The following ACTR3C variants were observed in gnomAD, a reference collection of about 807,000 sequenced individuals.
ACTR3C encodes actin related protein 3C.
ACTR3C carries 18 observed loss-of-function variants against 26.3 expected under a neutral mutation model. That is an observed-to-expected ratio of 0.68 (90% CI 0.47 to 1.01). The LOEUF (loss-of-function observed/expected upper bound fraction) is 1.01, where lower values mean the gene tolerates loss of function less well. Among genes scored for constraint, ACTR3C ranks in the 50% least tolerant of loss-of-function variants. The probability of loss-of-function intolerance (pLI) is 0.00; values close to 1 mark genes in which losing one functional copy is unlikely to be tolerated. For synonymous variants in ACTR3C, 55 were observed against 94.5 expected (o/e 0.58, Z 2.42); for missense variants, 184 against 250.7 (o/e 0.73, Z 1.80).
the ACTR3C span, among the ~76,000 whole-genome samples, chr7:150,187,444 A>G: frequency 1.3e-5 from 2 of 151,140 alleles, no homozygotes; most frequent in South Asian, 4.2e-4. Flanking sequence ...AAGCCAAGAA[A>G]TTAATGTTGC....
the ACTR3C span, among the ~76,000 whole-genome samples, chr7:150,076,836 G>A: frequency 1.8e-4 from 28 of 152,178 alleles, no homozygotes; most frequent in Middle Eastern, 3.4e-3. Context: ...TTTTGGAGGC[G>A]TGTAGGTCTT....
chr7:150,221,888 C>G, the ACTR3C span, among the ~76,000 whole-genome samples: 1 of 151,146 alleles, frequency 6.6e-6, no homozygotes, highest in African/African-American at 2.4e-5. Context: ...GTCCTAGCTA[C>G]TCGGGAGGCT....
chr7:150,279,382 C>A (rs1490411348), intron 6 of ACTR3C, among the ~76,000 whole-genome samples: 2 of 152,196 alleles, frequency 1.3e-5, no homozygotes, highest in African/African-American at 4.8e-5. Flanking sequence ...AAAATGCATT[C>A]ACATAATTAT....
At chr7:150,204,177 G>A in the ACTR3C span, among the ~76,000 whole-genome samples, 32 of 147,470 alleles carry the variant, frequency 2.2e-4, no homozygotes, top group African/African-American at 8.1e-4. Context: ...AGCCTGAAAC[G>A]GGTGCTTTGG....
the ACTR3C span, among the ~76,000 whole-genome samples, chr7:149,974,629 A>G: frequency 6.6e-6 from 1 of 152,198 alleles, no homozygotes; most frequent in African/African-American, 2.4e-5. Context: ...TGTGATGGGA[A>G]CAATCATTCC....
the ACTR3C span, among the ~76,000 whole-genome samples, chr7:150,129,281 A>C: frequency 6.6e-6 from 1 of 152,098 alleles, no homozygotes; most frequent in Non-Finnish European, 1.5e-5. Flanking sequence ...AACAAGTAAC[A>C]TACTGAATGG....
chr7:150,042,942 C>G, the ACTR3C span, among the ~76,000 whole-genome samples: 1 of 148,658 alleles, frequency 6.7e-6, no homozygotes, highest in East Asian at 2.0e-4. Flanking sequence ...ATGAAAGACT[C>G]GCTGTTGTCG....
chr7:150,034,499 A>T, the ACTR3C span, among the ~76,000 whole-genome samples: 2 of 151,452 alleles, frequency 1.3e-5, no homozygotes, highest in Non-Finnish European at 3.0e-5. Flanking sequence ...GACCTCATAC[A>T]AAGGCTTGGC....
chr7:150,041,770 G>C, the ACTR3C span, among the ~76,000 whole-genome samples: 5 of 137,462 alleles, frequency 3.6e-5, no homozygotes, highest in Admixed American at 7.0e-5. Flanking sequence ...AGAGGGACTG[G>C]CTCTCAGTCC....
the ACTR3C span, among the ~76,000 whole-genome samples, chr7:150,138,589 C>A: frequency 7.2e-5 from 11 of 152,384 alleles, no homozygotes; most frequent in East Asian, 2.1e-3. Flanking sequence ...CTTTATCCTG[C>A]CTCCAGAACA....
chr7:149,987,456 A>G, the ACTR3C span, among the ~76,000 whole-genome samples: 3 of 147,264 alleles, frequency 2.0e-5, no homozygotes, highest in Non-Finnish European at 4.5e-5. Flanking sequence ...AATCCCAGCT[A>G]CTCAGGAGGC....
At chr7:149,985,094 C>T in the ACTR3C span, among the ~76,000 whole-genome samples, 1 of 152,148 alleles carries the variant, frequency 6.6e-6, no homozygotes, top group East Asian at 1.9e-4. Context: ...ACACTGTGTG[C>T]AGATTTTCTT....
At chr7:150,163,422 CTGTT>C in the ACTR3C span, among the ~76,000 whole-genome samples, 8 of 150,174 alleles carry the variant, frequency 5.3e-5, 1 homozygote, top group East Asian at 5.9e-4. Flanking sequence ...ACACACTTAT[CTGTT>C]TGTATATATA....
chr7:150,257,215 G>A (rs1833280829), intron 6 of ACTR3C, among the ~76,000 whole-genome samples: 1 of 152,188 alleles, frequency 6.6e-6, no homozygotes. Flanking sequence ...TGAGACTGAG[G>A]GCTGTTGAGT....
At chr7:150,072,684 A>G in the ACTR3C span, among the ~76,000 whole-genome samples, 2 of 152,108 alleles carry the variant, frequency 1.3e-5, no homozygotes, top group Non-Finnish European at 2.9e-5. Flanking sequence ...AACCAGTAAG[A>G]CTGGGAAATA....
the ACTR3C span, among the ~76,000 whole-genome samples, chr7:150,238,550 A>G: frequency 7.2e-6 from 1 of 138,078 alleles, no homozygotes; most frequent in African/African-American, 3.0e-5. Context: ...ACTATGAATA[A>G]CATTGTTAAG....
At chr7:150,032,050 C>G in the ACTR3C span, among the ~76,000 whole-genome samples, 1 of 152,264 alleles carries the variant, frequency 6.6e-6, no homozygotes, top group Non-Finnish European at 1.5e-5. Context: ...TTCTTCCGGT[C>G]TATTTCATCT....
intron 6 of ACTR3C, among the ~76,000 whole-genome samples, chr7:150,277,223 G>A (rs896063676): frequency 2.6e-5 from 4 of 152,124 alleles, no homozygotes; most frequent in African/African-American, 4.8e-5. Context: ...AGGTGTGGTG[G>A]CTCACATCTG....
At chr7:150,307,724 C>G (rs964922788) in intron 1 of ACTR3C, among the ~76,000 whole-genome samples, 1 of 152,172 alleles carries the variant, frequency 6.6e-6, no homozygotes, top group Admixed American at 6.5e-5. Flanking sequence ...TGACTTGGTT[C>G]GGGGGACCTC....
Sources: gnomAD v4.1 joint callset for allele counts (sites outside exome capture counted in the v4.1 genomes callset) on GRCh38, gnomAD v4.1.1 for gene constraint, MANE v1.5 for transcripts, NCBI Gene and HGNC (gene_info 2026-07-23, HGNC 2026-07-21) for gene names.